EXOC2: variants seen among roughly 807,000 people sequenced by gnomAD.
EXOC2 encodes exocyst complex component 2, also known as SEC5-like 1.
A neutral mutation model predicts 131.8 loss-of-function variants in EXOC2; 70 were observed. That is an observed-to-expected ratio of 0.53 (90% CI 0.44 to 0.65). EXOC2 has a LOEUF of 0.65. EXOC2 is among the 30% of genes least tolerant of loss of function. The pLI, the probability that EXOC2 is intolerant of heterozygous loss-of-function variation, is 0.00. For synonymous variants in EXOC2, 411 were observed against 398.4 expected (o/e 1.03, Z -0.38); for missense variants, 923 against 1,108.6 (o/e 0.83, Z 2.38).
Position 572,513 on chromosome 6 carries a change from T to TA in EXOC2, c.1443+6dup. ...AGCTCCACCTCTAGCCGAGTCCGTA[T>TA]ACACACCTCACTGAAGAGGCTTCCA... is the stretch of plus-strand genomic sequence containing the variant. On this transcript the variant is annotated splice_region_variant and intron_variant, in intron 13 of 27. Coordinates refer to ENST00000230449, the MANE Select transcript of EXOC2 (RefSeq NM_018303.6). The TA allele has an allele frequency of 6.2e-7, 1 of 1,613,098 alleles. No homozygotes were observed. Among genetic ancestry groups the TA allele is most frequent in the African/African-American group, 1.3e-5 (1 of 74,932 alleles).
At chr6:521,087 CGACACTCGCCGTCCACACTCGGACATGAA>C (rs1561810781) in intron 23 of EXOC2, among the ~76,000 whole-genome samples, 14 of 84,848 alleles carry the variant, frequency 1.7e-4, no homozygotes, top group East Asian at 4.0e-4. Context: ...CACCGAGCGC[CGACACTCGCCGTCCACACTCGGACATGAA>C]AACAACCACC....
chr6:653,361 A>C (rs559707641), intron 1 of EXOC2, among the ~76,000 whole-genome samples: 1 of 152,370 alleles, frequency 6.6e-6, no homozygotes, highest in African/African-American at 2.4e-5. Context: ...TGTGAATGCA[A>C]AGGAAAAATT....
In EXOC2 at chr6:497,930, A is replaced by T. The variant is rs143372532; in HGVS notation, c.2437-441T>A. Among the ~76,000 whole-genome samples the T allele has an allele frequency of 7.4e-4, 113 of 152,296 alleles. No individual in the cohort carries two copies. The East Asian group carries it at 0.02, about 27-fold the overall frequency. On this transcript the variant is annotated intron_variant, in intron 24 of 27. Transcript: ENST00000230449. Reference sequence around the variant, plus strand: ...TTTCATATGGGGTACCCCATTCTGTATTGGAGAACAAGCCCCCCCTCCACA... The same window carrying T: ...TTTCATATGGGGTACCCCATTCTGTTTTGGAGAACAAGCCCCCCCTCCACA...
At chr6:513,806 C>T (rs1358186813) in intron 23 of EXOC2, among the ~76,000 whole-genome samples, 1 of 152,198 alleles carries the variant, frequency 6.6e-6, no homozygotes, top group African/African-American at 2.4e-5. Flanking sequence ...ATCTAAGTCT[C>T]AAGTAAATAT....
chr6:553,942 AAC>A, intron 20 of EXOC2, 22 bp from the exon 21 acceptor site: 6 of 1,597,030 alleles, frequency 3.8e-6, no homozygotes, highest in Non-Finnish European at 5.2e-6. Context: ...AGCAAGTAGG[AAC>A]AGTTACAAAT....
intron 1 of EXOC2, among the ~76,000 whole-genome samples, chr6:686,563 G>C (rs1764665116): frequency 6.6e-6 from 1 of 152,182 alleles, no homozygotes; most frequent in Non-Finnish European, 1.5e-5. Flanking sequence ...AGTATATAGG[G>C]AATGCCTGAC....
intron 1 of EXOC2, chr6:669,661 T>C (rs9504694): frequency 0.012 from 1,818 of 152,478 alleles, 46 homozygotes; most frequent in African/African-American, 0.041. Flanking sequence ...CCCTAGGCTG[T>C]ACCTGGAAGG....
chr6:649,756 T>C (rs1299543905), intron 1 of EXOC2, among the ~76,000 whole-genome samples: 3 of 152,252 alleles, frequency 2.0e-5, no homozygotes, highest in African/African-American at 7.2e-5. Context: ...GTCTGTCATA[T>C]GAATAAGCCA....
At chr6:491,247 G>C in intron 25 of EXOC2, 61 bp from the exon 26 acceptor site, 2 of 1,563,228 alleles carry the variant, frequency 1.3e-6, no homozygotes, top group Non-Finnish European at 1.8e-6. Flanking sequence ...ATATAAACAA[G>C]TACTAAGGTT....
rs567167302 is a variant in EXOC2 at position 516,001 on chromosome 6, T to C, written c.2381-16301A>G. On this transcript the variant is annotated intron_variant, in intron 23 of 27. Coordinates refer to ENST00000230449, the MANE Select transcript of EXOC2 (RefSeq NM_018303.6). ...GTCCAACCATAACATTTGGAAATCA[T>C]TGGAGCCTCAGCTGTCTACTGTGAG... is the stretch of plus-strand genomic sequence containing the variant. Among the ~76,000 whole-genome samples the C allele has an allele frequency of 1.3e-4, 20 of 152,310 alleles. No homozygotes were observed. In the South Asian group the frequency reaches 1.5e-3, roughly 11 times the overall value.
At chr6:613,821 T>C (rs1451292075) in intron 6 of EXOC2, among the ~76,000 whole-genome samples, 1 of 152,188 alleles carries the variant, frequency 6.6e-6, no homozygotes, top group East Asian at 1.9e-4. Flanking sequence ...ACATGGCACA[T>C]GTATACATAT....
intron 1 of EXOC2, among the ~76,000 whole-genome samples, chr6:651,892 C>T (rs1762848343): frequency 1.3e-5 from 2 of 151,262 alleles, no homozygotes; most frequent in Non-Finnish European, 2.9e-5. Flanking sequence ...CCCACCTCTA[C>T]TAAAAATACA....
intron 1 of EXOC2, among the ~76,000 whole-genome samples, chr6:648,138 GCA>G (rs1436331183): frequency 6.6e-6 from 1 of 152,164 alleles, no homozygotes; most frequent in African/African-American, 2.4e-5. Context: ...AGTATCCGTA[GCA>G]CATCCAACAG....
At chr6:568,235 G>T (rs2018341) in intron 13 of EXOC2, among the ~76,000 whole-genome samples, 37,194 of 152,196 alleles carry the variant, frequency 0.24, 4,687 homozygotes, top group Non-Finnish European at 0.26. Context: ...GAACCTCTCC[G>T]GGATGTGGAT....
chr6:536,793 C>T (rs1455866603), intron 22 of EXOC2, among the ~76,000 whole-genome samples: 2 of 152,052 alleles, frequency 1.3e-5, no homozygotes, highest in African/African-American at 4.8e-5. Context: ...ATATGAAAGG[C>T]ATTAAACATT....
intron 23 of EXOC2, among the ~76,000 whole-genome samples, chr6:518,246 G>C (rs1398773381): frequency 6.6e-6 from 1 of 152,112 alleles, no homozygotes; most frequent in African/African-American, 2.4e-5. Flanking sequence ...CAAAATAACA[G>C]ATCTCAGAGG....
At chr6:577,914 A>G (rs896558988) in intron 11 of EXOC2, among the ~76,000 whole-genome samples, 1 of 152,188 alleles carries the variant, frequency 6.6e-6, no homozygotes, top group Non-Finnish European at 1.5e-5. Flanking sequence ...TTATCTACCT[A>G]AAGTGCTACC....
Position 599,060 on chromosome 6 carries a change from T to C in EXOC2, c.888+20A>G. ...TATGACATCTACAACCATATGTAAA[T>C]AAATAAACATGTACTCTACCTTTTG... On this transcript the variant is annotated intron_variant, in intron 8 of 27. Transcript: ENST00000230449. 6.3e-7 allele frequency: 1 copy of C among 1,591,568 alleles called. No homozygotes were observed. Among genetic ancestry groups the C allele is most frequent in the South Asian group, 1.2e-5 (1 of 86,752 alleles).
At chr6:640,739 G>A (rs1205927130) in intron 1 of EXOC2, among the ~76,000 whole-genome samples, 1 of 152,048 alleles carries the variant, frequency 6.6e-6, no homozygotes, top group African/African-American at 2.4e-5. Context: ...CATTCCTCAC[G>A]GCCCTCAAAA....
Sources: allele counts gnomAD v4.1 joint callset (sites outside exome capture counted in the v4.1 genomes callset), GRCh38; gene constraint gnomAD v4.1.1; transcripts MANE v1.5; gene names NCBI Gene and HGNC (gene_info 2026-07-23, HGNC 2026-07-21).